Variants in PLXNA4 observed in about 807,000 individuals in gnomAD.
PLXNA4 encodes plexin A4, also known as plexin-A4.
In PLXNA4, 44 loss-of-function variants were observed where a neutral mutation model predicts 191.8. That is an observed-to-expected ratio of 0.23 (90% CI 0.18 to 0.29). The LOEUF (loss-of-function observed/expected upper bound fraction) is 0.29, where lower values mean the gene tolerates loss of function less well. Ranked by LOEUF, PLXNA4 falls within the 10% of genes least tolerant of loss-of-function variation. PLXNA4 has a pLI of 1.00. For missense variants in PLXNA4, 1,800 were observed against 2,488.8 expected (o/e 0.72, Z 5.89); for synonymous variants, 1,082 against 1,009.5 (o/e 1.07, Z -1.36).
At chr7:132,372,910 T>C (rs1804504193) in intron 3 of PLXNA4, among the ~76,000 whole-genome samples, 1 of 152,212 alleles carries the variant, frequency 6.6e-6, no homozygotes, top group East Asian at 1.9e-4. Context: ...GTGGAGAGCA[T>C]GGAAGTGCCT....
intron 3 of PLXNA4, chr7:132,485,152 A>G (rs113332566): frequency 7.2e-6 from 9 of 1,257,404 alleles, no homozygotes; most frequent in Non-Finnish European, 9.7e-6. Context: ...GGGAATGTGC[A>G]CCCAGTACCT....
intron 8 of PLXNA4, among the ~76,000 whole-genome samples, chr7:132,225,917 T>G (rs991163257): frequency 1.3e-4 from 20 of 152,172 alleles, no homozygotes; most frequent in African/African-American, 4.6e-4. Context: ...CCATAAGTTC[T>G]CATTTTCTGC....
At chr7:132,354,628 G>A (rs145165302) in intron 3 of PLXNA4, among the ~76,000 whole-genome samples, 27 of 152,318 alleles carry the variant, frequency 1.8e-4, no homozygotes, top group Admixed American at 5.9e-4. Flanking sequence ...GTGTCCTAAT[G>A]TACCCCTGCT....
chr7:132,128,442 C>T lies in PLXNA4; in HGVS notation c.*2037G>A, dbSNP rs1794838679. ...CACCCTGATTTCCTATGGACAAGCGCCCTCTCCTTCCACCCACCAGCTCTC... is the reference window on the plus strand; with the variant it reads ...CACCCTGATTTCCTATGGACAAGCGTCCTCTCCTTCCACCCACCAGCTCTC... On this transcript the variant is annotated 3_prime_UTR_variant, in exon 32 of 32. Transcript: ENST00000321063. 6.6e-6 allele frequency: 1 copy of T among 152,182 alleles called. No individual in the cohort carries two copies. Among genetic ancestry groups the T allele is most frequent in the South Asian group, 2.1e-4 (1 of 4,824 alleles). 9.4% of individuals were successfully genotyped at this position (152,182 alleles called of 1,614,324 possible).
intron 3 of PLXNA4, among the ~76,000 whole-genome samples, chr7:132,320,783 G>C (rs1802130074): frequency 6.6e-6 from 1 of 152,156 alleles, no homozygotes; most frequent in Non-Finnish European, 1.5e-5. Flanking sequence ...CCGGGAACTT[G>C]TTAGAAATGC....
intron 14 of PLXNA4, among the ~76,000 whole-genome samples, chr7:132,189,579 A>C (rs760965529): frequency 2.7e-4 from 41 of 152,182 alleles, no homozygotes; most frequent in Non-Finnish European, 7.3e-5. Flanking sequence ...GGTACTAAAA[A>C]GGGTCTCCCC....
upstream of PLXNA4, among the ~76,000 whole-genome samples, chr7:132,580,484 G>A (rs1802381943): frequency 6.6e-6 from 1 of 152,128 alleles, no homozygotes; most frequent in South Asian, 2.1e-4. Context: ...TCATTGTCTG[G>A]ACCCATGGCC....
rs546276356 is a variant in PLXNA4 at position 132,574,724 on chromosome 7, G to A, written c.-87+1698C>T. ...CAGCGGGAATACAATCTCCCTCCCG[G>A]GGTGTCTGCGCTTCTCCCCAGCCTA... On this transcript the variant is annotated intron_variant, in intron 1 of 31. Coordinates refer to ENST00000321063, the MANE Select transcript of PLXNA4 (RefSeq NM_020911.2). Among the ~76,000 whole-genome samples, 7 of 152,264 alleles carry A rather than the reference G, an allele frequency of 4.6e-5. No individual in the cohort carries two copies. In the South Asian group the frequency reaches 1.5e-3, roughly 32 times the overall value.
intron 3 of PLXNA4, among the ~76,000 whole-genome samples, chr7:132,471,566 G>T (rs1200122622): frequency 6.6e-6 from 1 of 152,088 alleles, no homozygotes; most frequent in Non-Finnish European, 1.5e-5. Flanking sequence ...CAGTCTCCTT[G>T]CCAGGACAGC....
chr7:132,396,384 T>C (rs2117018983), intron 3 of PLXNA4, among the ~76,000 whole-genome samples: 1 of 152,346 alleles, frequency 6.6e-6, no homozygotes, highest in South Asian at 2.1e-4. Flanking sequence ...GCACTATTTT[T>C]ATCCACACTT....
chr7:132,599,212 T>C (rs1427664344), intron 2 of PLXNA4, among the ~76,000 whole-genome samples: 1 of 152,208 alleles, frequency 6.6e-6, no homozygotes, highest in African/African-American at 2.4e-5. Flanking sequence ...GATCTTTGCT[T>C]TGTTGGTGGG....
At chr7:132,340,134 T>C (rs1277614693) in intron 3 of PLXNA4, among the ~76,000 whole-genome samples, 1 of 152,054 alleles carries the variant, frequency 6.6e-6, no homozygotes, top group Non-Finnish European at 1.5e-5. Flanking sequence ...CCTGAGGGAG[T>C]CTGTGGCAGT....
intron 13 of PLXNA4, 149 bp from the exon 14 acceptor site, chr7:132,194,328 C>T: frequency 7.7e-7 from 1 of 1,293,878 alleles, no homozygotes; most frequent in Non-Finnish European, 1.0e-6. Flanking sequence ...CTAATTCCTC[C>T]TAGCAGGGGC....
intron 3 of PLXNA4, among the ~76,000 whole-genome samples, chr7:132,370,884 C>T (rs1804410805): frequency 6.6e-6 from 1 of 152,188 alleles, no homozygotes; most frequent in Non-Finnish European, 1.5e-5. Context: ...CTCACTTTTG[C>T]CCTGAGGGTC....
chr7:132,428,220 G>A (rs955393874), intron 3 of PLXNA4, among the ~76,000 whole-genome samples: 8 of 152,064 alleles, frequency 5.3e-5, no homozygotes, highest in African/African-American at 1.9e-4. Context: ...CCCTTTCCTG[G>A]GGCTCTGGCC....
chr7:132,320,774 C>T (rs188201407), intron 3 of PLXNA4, among the ~76,000 whole-genome samples: 39 of 152,238 alleles, frequency 2.6e-4, no homozygotes, highest in African/African-American at 2.4e-5. Context: ...CAGCAGCATC[C>T]GGGAACTTGT....
chr7:132,595,111 C>G (rs1295136260), intron 2 of PLXNA4, among the ~76,000 whole-genome samples: 1 of 152,092 alleles, frequency 6.6e-6, no homozygotes, highest in Non-Finnish European at 1.5e-5. Flanking sequence ...ACTCTAGACT[C>G]TAGTCACCAT....
At chr7:132,450,182 T>A (rs903437122) in intron 3 of PLXNA4, among the ~76,000 whole-genome samples, 2 of 152,176 alleles carry the variant, frequency 1.3e-5, no homozygotes, top group African/African-American at 4.8e-5. Flanking sequence ...AGAGATGGGA[T>A]CGGGATGTAG....
Position 132,599,682 on chromosome 7 carries a change from C to G in PLXNA4, c.-87+46246G>C, listed in dbSNP as rs1171233053. ...TCCTTTCCAGCATTTAGACTTCTCC[C>G]CCTTTTTTTTTTCTTTTTTTATAGT... On this transcript the variant is annotated intron_variant, in intron 2 of 4. Transcript: ENST00000378539. 2.0e-5 allele frequency among the ~76,000 whole-genome samples: 3 copies of G among 151,848 alleles called. No homozygotes were observed. In the East Asian group the frequency reaches 5.8e-4, roughly 29 times the overall value.
Sources: gnomAD v4.1 joint callset for allele counts (sites outside exome capture counted in the v4.1 genomes callset) on GRCh38, gnomAD v4.1.1 for gene constraint, MANE v1.5 for transcripts, NCBI Gene and HGNC (gene_info 2026-07-23, HGNC 2026-07-21) for gene names.